KCNK12: variants seen among roughly 807,000 people sequenced by gnomAD.
The protein encoded by KCNK12 is potassium two pore domain channel subfamily K member 12, also known as potassium channel subfamily K member 12.
KCNK12 carries 6 observed loss-of-function variants against 25.3 expected under a neutral mutation model. The observed-to-expected ratio is 0.24, with a 90% CI of 0.13 to 0.47. The LOEUF (loss-of-function observed/expected upper bound fraction) is 0.47. KCNK12 is among the 20% of genes least tolerant of loss of function. KCNK12 has a pLI of 0.99. For missense variants in KCNK12, 444 were observed against 661.7 expected (o/e 0.67, Z 3.61); for synonymous variants, 331 against 311.1 (o/e 1.06, Z -0.67).
chr2:47,526,469 C>T (rs1367068945), intron 1 of KCNK12, among the ~76,000 whole-genome samples: 1 of 147,300 alleles, frequency 6.8e-6, no homozygotes, highest in Non-Finnish European at 1.5e-5. Context: ...TGGTGGCTCA[C>T]GCCTGTAATC....
At chr2:47,550,775 C>T (rs189631797) in intron 1 of KCNK12, among the ~76,000 whole-genome samples, 61 of 152,262 alleles carry the variant, frequency 4.0e-4, no homozygotes, top group Admixed American at 3.9e-3. Context: ...AAACCCCACA[C>T]TTCAGTAAAT....
At chr2:47,535,422 G>A (rs78873799) in intron 1 of KCNK12, among the ~76,000 whole-genome samples, 7,271 of 151,778 alleles carry the variant, frequency 0.048, 544 homozygotes, top group African/African-American at 0.16. Flanking sequence ...ACTGGACTGC[G>A]GCTGAGGGGT....
chr2:47,550,615 T>G (rs1669408938), intron 1 of KCNK12, among the ~76,000 whole-genome samples: 1 of 151,942 alleles, frequency 6.6e-6, no homozygotes, highest in Admixed American at 6.6e-5. Context: ...ACTCCTGACC[T>G]CAAGTGACCC....
chr2:47,550,131 A>T (rs1669396078), intron 1 of KCNK12, among the ~76,000 whole-genome samples: 1 of 152,144 alleles, frequency 6.6e-6, no homozygotes, highest in East Asian at 1.9e-4. Flanking sequence ...AGACTAACAT[A>T]TGTGCAGTTG....
rs1272500352 is a variant in KCNK12 at position 47,557,432 on chromosome 2, G to T, written c.391+12509C>A. On this transcript the variant is annotated intron_variant, in intron 1 of 1. Transcript: ENST00000327876. The surrounding 1 kb of genome is among the most constrained non-coding windows in gnomAD (Gnocchi z 4.9). ...TGGTGAGTGAAATCAACTTTTTTTT[G>T]TTTGTTTTTTTTTAATAAATTACCC... Among the ~76,000 whole-genome samples, 4 of 151,602 alleles carry T rather than the reference G, an allele frequency of 2.6e-5. No individual in the cohort carries two copies. Among genetic ancestry groups the T allele is most frequent in the Non-Finnish European group, 5.9e-5 (4 of 67,908 alleles).
chr2:47,563,039 C>G (rs1023375166), intron 1 of KCNK12: 1 of 233,264 alleles, frequency 4.3e-6, no homozygotes, highest in Non-Finnish European at 8.5e-6. Context: ...GACCAACGGC[C>G]TTTTGTTGTT....
chr2:47,535,922 T>G (rs763814250), intron 1 of KCNK12, among the ~76,000 whole-genome samples: 6 of 152,176 alleles, frequency 3.9e-5, no homozygotes, highest in Non-Finnish European at 8.8e-5. Context: ...TTAATGACCT[T>G]GAAGGTCAGG....
chr2:47,569,839 G>A lies in KCNK12; in HGVS notation c.391+102C>T. 1 of 956,046 alleles carries A rather than the reference G, an allele frequency of 1.0e-6. No homozygotes were observed. Among genetic ancestry groups the A allele is most frequent in the Non-Finnish European group, 1.4e-6 (1 of 718,464 alleles). The allele number at this position is 956,046 out of a possible 1,614,324, so 59.2% of individuals were successfully genotyped here. Reference sequence around the variant, plus strand: ...AAAGTAAGCAAAGGGACATTAGAAGGGAAGGCAGAGCCGAGGGACGCGGAC... The same window carrying A: ...AAAGTAAGCAAAGGGACATTAGAAGAGAAGGCAGAGCCGAGGGACGCGGAC... On this transcript the variant is annotated intron_variant, in intron 1 of 1. Transcript: ENST00000327876. The surrounding 1 kb of genome is among the most constrained non-coding windows in gnomAD (Gnocchi z 4.1).
rs1024874596 is a variant in KCNK12 at position 47,540,207 on chromosome 2, T to C, written c.392-18399A>G. 6.6e-6 allele frequency among the ~76,000 whole-genome samples: 1 copy of C among 152,170 alleles called. No individual in the cohort carries two copies. The highest frequency in any genetic ancestry group is 2.4e-5 in the African/African-American group (1 of 41,422). On this transcript the variant is annotated intron_variant, in intron 1 of 1. Transcript: ENST00000327876. This position sits in a 1 kb window ranked among gnomAD's most constrained non-coding sequence, Gnocchi z 5.4. ...GAGAAGGCCTCACCGGGCAGACCTA[T>C]CTTGGAGAAGATACAAGCAATGGTG...
At chr2:47,550,378 C>CTTTTTTTTTTTTTTTTT (rs746872422) in intron 1 of KCNK12, among the ~76,000 whole-genome samples, 1 of 103,182 alleles carries the variant, frequency 9.7e-6, no homozygotes, top group African/African-American at 4.5e-5. Context: ...TATTCACAGA[C>CTTTTTTTTTTTTTTTTT]TTTTTTTTTT....
intron 1 of KCNK12, among the ~76,000 whole-genome samples, chr2:47,559,638 G>C (rs568933070): frequency 6.6e-6 from 1 of 152,180 alleles, no homozygotes; most frequent in African/African-American, 2.4e-5. Flanking sequence ...TAGCTTCTGA[G>C]GTGGAGAAAG....
At chr2:47,550,781 T>G (rs1417959778) in intron 1 of KCNK12, among the ~76,000 whole-genome samples, 1 of 152,160 alleles carries the variant, frequency 6.6e-6, no homozygotes, top group Non-Finnish European at 1.5e-5. Flanking sequence ...CACACTTCAG[T>G]AAATATGCAT....
chr2:47,531,659 G>C (rs148622167), intron 1 of KCNK12, among the ~76,000 whole-genome samples: 1 of 152,146 alleles, frequency 6.6e-6, no homozygotes, highest in African/African-American at 2.4e-5. Context: ...TGGAGCAGGG[G>C]AATCTGTGGA....
Position 47,511,553 on chromosome 2 carries a change from G to C in KCNK12, c.*9354C>G, listed in dbSNP as rs1056590566. Among the ~76,000 whole-genome samples, 1 of 152,192 alleles carries C rather than the reference G, an allele frequency of 6.6e-6. No individual in the cohort carries two copies. The highest frequency in any genetic ancestry group is 1.5e-5 in the Non-Finnish European group (1 of 68,034). On this transcript the variant is annotated 3_prime_UTR_variant, in exon 2 of 2. Coordinates refer to ENST00000327876, the MANE Select transcript of KCNK12 (RefSeq NM_022055.2). The surrounding 1 kb of genome is among the most constrained non-coding windows in gnomAD (Gnocchi z 4.3). Reference sequence around the variant, plus strand: ...ACAGTGCATGACGTTACCCGCACAGGTGTGACATCACAGGGTAACCAAATG... The same window carrying C: ...ACAGTGCATGACGTTACCCGCACAGCTGTGACATCACAGGGTAACCAAATG...
chr2:47,547,639 C>G lies in KCNK12; in HGVS notation c.391+22302G>C, dbSNP rs1669341788. 6.6e-6 allele frequency among the ~76,000 whole-genome samples: 1 copy of G among 151,996 alleles called. No individual in the cohort carries two copies. Among genetic ancestry groups the G allele is most frequent in the Admixed American group, 6.6e-5 (1 of 15,252 alleles). On this transcript the variant is annotated intron_variant, in intron 1 of 1. Transcript: ENST00000327876. This position sits in a 1 kb window ranked among gnomAD's most constrained non-coding sequence, Gnocchi z 5.0. Reference sequence around the variant, plus strand: ...TTGAGATGGAGTCTCATTCTGTCACCCAGGCTGGAGTGCAGTACCATGATC... The same window carrying G: ...TTGAGATGGAGTCTCATTCTGTCACGCAGGCTGGAGTGCAGTACCATGATC...
At position 47,517,389 on chromosome 2, in the gene KCNK12, G is replaced by T. The variant is rs1193973718; in HGVS notation, c.*3518C>A. ...TCCAGGGTTTGGCTTGGGTTTGGATGCTGGCTTCTGTGTGAAACCTGAATA... is the reference window on the plus strand; with the variant it reads ...TCCAGGGTTTGGCTTGGGTTTGGATTCTGGCTTCTGTGTGAAACCTGAATA... On this transcript the variant is annotated 3_prime_UTR_variant, in exon 2 of 2. Coordinates refer to ENST00000327876, the MANE Select transcript of KCNK12 (RefSeq NM_022055.2). The surrounding 1 kb of genome is among the most constrained non-coding windows in gnomAD (Gnocchi z 4.1). 6.6e-6 allele frequency: 1 copy of T among 152,174 alleles called. No homozygotes were observed. Among genetic ancestry groups the T allele is most frequent in the African/African-American group, 2.4e-5 (1 of 41,438 alleles). 9.4% of individuals were successfully genotyped at this position (152,174 alleles called of 1,614,324 possible). A position where few individuals can be genotyped will look rare whatever the true frequency, so the allele number is the denominator to read the frequency against.
chr2:47,564,683 T>G lies in KCNK12; in HGVS notation c.391+5258A>C, dbSNP rs570747553. On this transcript the variant is annotated intron_variant, in intron 1 of 1. Transcript: ENST00000327876. ...TGTGTTAGTGCAGTGGTATCATGAA[T>G]GACTTGTTCTCTTATTCATATAATA... The G allele has an allele frequency of 2.8e-5, 5 of 178,156 alleles. No homozygotes were observed. In the South Asian group the frequency reaches 9.9e-4, roughly 35 times the overall value. 11.0% of individuals were successfully genotyped at this position (178,156 alleles called of 1,614,324 possible). A position where few individuals can be genotyped will look rare whatever the true frequency, so the allele number is the denominator to read the frequency against.
rs929590751 is a variant in KCNK12, at chr2:47,515,168, G to T, written c.*5739C>A. Among the ~76,000 whole-genome samples, 3 of 152,154 alleles carry T rather than the reference G, an allele frequency of 2.0e-5. No individual in the cohort carries two copies. The highest frequency in any genetic ancestry group is 2.9e-5 in the Non-Finnish European group (2 of 68,024). ...ACAGAGAGGAGAGCTGATGGGTGAC[G>T]AGAAATCAGGCCTCTCCGCCACGGC... is the stretch of plus-strand genomic sequence containing the variant. On this transcript the variant is annotated 3_prime_UTR_variant, in exon 2 of 2. Coordinates refer to ENST00000327876, the MANE Select transcript of KCNK12 (RefSeq NM_022055.2).
rs574408748 is a variant in KCNK12 at position 47,552,919 on chromosome 2, A to G, written c.391+17022T>C. On this transcript the variant is annotated intron_variant, in intron 1 of 1. Coordinates refer to ENST00000327876, the MANE Select transcript of KCNK12 (RefSeq NM_022055.2). ...GCAGAGGTCTTGTTGAGTCTTGTTG[A>G]GTGCCGATAACCAAATTCTGTCTTT... Among the ~76,000 whole-genome samples the G allele has an allele frequency of 6.6e-5, 10 of 152,330 alleles. No individual in the cohort carries two copies. In the South Asian group the frequency reaches 2.1e-3, roughly 32 times the overall value.
Sources: gnomAD v4.1 joint callset for allele counts (sites outside exome capture counted in the v4.1 genomes callset) on GRCh38, gnomAD v4.1.1 for gene constraint, Gnocchi (gnomAD v3.1) non-coding constraint, MANE v1.5 for transcripts, NCBI Gene and HGNC (gene_info 2026-07-23, HGNC 2026-07-21) for gene names.